The following SP4 variants were observed in gnomAD, a reference collection of about 807,000 sequenced individuals.
The protein encoded by SP4 is Sp4 transcription factor.
In SP4, 19 loss-of-function variants were observed where a neutral mutation model predicts 72.8. The ratio of observed to expected loss-of-function variants is 0.26; its 90% CI spans 0.18 to 0.38. The LOEUF (loss-of-function observed/expected upper bound fraction) is 0.38, where lower values mean the gene tolerates loss of function less well. Ranked by LOEUF, SP4 falls within the 10% of genes least tolerant of loss-of-function variation. The pLI, the probability that SP4 is intolerant of heterozygous loss-of-function variation, is 1.00. For missense variants in SP4, 1,008 were observed against 926.3 expected, an observed-to-expected ratio of 1.09 and a Z score of -1.14; for synonymous variants, 395 against 333.1, an observed-to-expected ratio of 1.19 and a Z score of -2.02.
intron 2 of SP4, 166 bp downstream of exon 2, chr7:21,428,958 G>A (rs1782729454): frequency 6.2e-6 from 4 of 649,826 alleles, no homozygotes; most frequent in Non-Finnish European, 1.1e-5. Flanking sequence ...TCACCTCTTT[G>A]AGGGTATAAC....
chr7:21,443,614 C>T (rs1393786259), intron 3 of SP4, among the ~76,000 whole-genome samples: 1 of 152,064 alleles, frequency 6.6e-6, no homozygotes, highest in African/African-American at 2.4e-5. Context: ...TTTGCACAGG[C>T]GTATAGGAAC....
chr7:21,454,029 A>G (rs1783679799), intron 3 of SP4, among the ~76,000 whole-genome samples: 1 of 152,238 alleles, frequency 6.6e-6, no homozygotes, highest in Non-Finnish European at 1.5e-5. Flanking sequence ...TTTTACATGT[A>G]AAACTCTTTT....
chr7:21,490,272 G>A (rs1307627320), intron 5 of SP4, among the ~76,000 whole-genome samples: 3 of 152,160 alleles, frequency 2.0e-5, no homozygotes, highest in African/African-American at 7.2e-5. Flanking sequence ...TGCATAGCAG[G>A]TGCAGGTAGC....
intron 3 of SP4, among the ~76,000 whole-genome samples, chr7:21,476,052 C>T (rs1784490302): frequency 1.3e-5 from 2 of 152,028 alleles, no homozygotes; most frequent in African/African-American, 4.8e-5. Context: ...AGGTGAATCA[C>T]CTGAGGTCAG....
At chr7:21,495,625 C>T (rs763664461) in intron 5 of SP4, among the ~76,000 whole-genome samples, 10 of 152,116 alleles carry the variant, frequency 6.6e-5, no homozygotes, top group Non-Finnish European at 1.5e-4. Flanking sequence ...GGATGCAGAG[C>T]AATTGGAATT....
intron 5 of SP4, among the ~76,000 whole-genome samples, chr7:21,485,126 T>A (rs1216877897): frequency 2.0e-5 from 3 of 151,890 alleles, no homozygotes; most frequent in Non-Finnish European, 4.4e-5. Flanking sequence ...TTTGTTAAAT[T>A]TGTCTAAAAG....
rs371626712 is a variant in SP4, at chr7:21,433,614, T to A, written c.1678+2771T>A. On this transcript the variant is annotated intron_variant, in intron 3 of 5. Coordinates refer to ENST00000222584, the MANE Select transcript of SP4 (RefSeq NM_003112.5). ...ATGAAGCTAATGAAACAACTTTGTT[T>A]TCATTAATTTCTTTTGGCTTTGCAT... Among the ~76,000 whole-genome samples the A allele has an allele frequency of 1.1e-3, 167 of 152,330 alleles. 1 individual carries two copies. The highest frequency in any genetic ancestry group is 3.9e-3 in the African/African-American group (162 of 41,562).
intron 5 of SP4, among the ~76,000 whole-genome samples, chr7:21,510,463 A>G (rs973802789): frequency 1.3e-5 from 2 of 152,228 alleles, no homozygotes; most frequent in African/African-American, 2.4e-5. Flanking sequence ...TTTGGACAAC[A>G]GAAACTGTTA....
At chr7:21,471,276 A>G (rs922658343) in intron 3 of SP4, 3 of 357,596 alleles carry the variant, frequency 8.4e-6, no homozygotes, top group Middle Eastern at 1.6e-3. Flanking sequence ...GGTCTGCAAT[A>G]TGAATATTAG....
intron 4 of SP4, among the ~76,000 whole-genome samples, chr7:21,478,937 G>C (rs146954149): frequency 0.011 from 1,732 of 151,930 alleles, 15 homozygotes; most frequent in South Asian, 0.033. Context: ...GCATGGTAGC[G>C]CATGCTTGTA....
Position 21,429,300 on chromosome 7 carries a change from C to G in SP4, c.135C>G (p.Pro45=). The G allele has an allele frequency of 1.2e-6, 2 of 1,601,432 alleles. No homozygotes were observed. The highest frequency in any genetic ancestry group is 1.1e-5 in the South Asian group (1 of 90,558). The stretch of plus-strand genomic sequence containing the variant: ...CCCATTTTGGGTAGGACTCTCAGCC[C>G]TCTCCTCTGGCTTTACTGGCAGCTA... ...PKTSGSQDSQ[P]SPLALLAATC... Residue 45 remains proline (P), a synonymous_variant, in exon 3 of 6, where the codon CCC becomes CCG. Coordinates refer to ENST00000222584, the MANE Select transcript of SP4 (RefSeq NM_003112.5).
intron 3 of SP4, among the ~76,000 whole-genome samples, chr7:21,449,639 A>G (rs1783530856): frequency 1.3e-5 from 2 of 152,184 alleles, no homozygotes; most frequent in African/African-American, 4.8e-5. Context: ...TTGATTTGGA[A>G]GATGACAAAT....
chr7:21,465,774 G>T (rs1784149906), intron 3 of SP4, among the ~76,000 whole-genome samples: 1 of 152,106 alleles, frequency 6.6e-6, no homozygotes, highest in Non-Finnish European at 1.5e-5. Flanking sequence ...GAGGCGGGAT[G>T]ATTGCTTGAG....
chr7:21,434,075 T>C (rs1201572135), intron 3 of SP4, among the ~76,000 whole-genome samples: 1 of 152,232 alleles, frequency 6.6e-6, no homozygotes, highest in Non-Finnish European at 1.5e-5. Flanking sequence ...TTCAGATCTT[T>C]TACTTTGTGT....
At chr7:21,495,324 A>C (rs79613152) in intron 5 of SP4, among the ~76,000 whole-genome samples, 8,312 of 152,182 alleles carry the variant, frequency 0.055, 682 homozygotes, top group East Asian at 0.28. Context: ...GACTGGGAGA[A>C]AGTGTTTGAA....
chr7:21,498,819 C>T (rs1781789572), intron 5 of SP4, among the ~76,000 whole-genome samples: 1 of 152,164 alleles, frequency 6.6e-6, no homozygotes, highest in Non-Finnish European at 1.5e-5. Context: ...GGTGCGGTGG[C>T]TCACGCCTGT....
intron 3 of SP4, among the ~76,000 whole-genome samples, chr7:21,446,872 A>G (rs966157810): frequency 2.0e-5 from 3 of 151,234 alleles, no homozygotes; most frequent in Non-Finnish European, 4.4e-5. Flanking sequence ...ATGTTTTGAC[A>G]GATTCTTGAA....
intron 3 of SP4, among the ~76,000 whole-genome samples, chr7:21,460,577 G>A (rs1783930699): frequency 1.3e-5 from 2 of 152,130 alleles, no homozygotes. Context: ...TGCTGGCTCG[G>A]GCAGCCTGCT....
At chr7:21,500,965 G>A (rs1388996897) in intron 5 of SP4, among the ~76,000 whole-genome samples, 1 of 152,160 alleles carries the variant, frequency 6.6e-6, no homozygotes, top group African/African-American at 2.4e-5. Context: ...TTTAATGGTG[G>A]TCTTGCAAGA....
Sources: gnomAD v4.1 joint callset for allele counts (sites outside exome capture counted in the v4.1 genomes callset) on GRCh38, gnomAD v4.1.1 for gene constraint, MANE v1.5 for transcripts, NCBI Gene and HGNC (gene_info 2026-07-23, HGNC 2026-07-21) for gene names.